ROR1: variants seen among roughly 807,000 people sequenced by gnomAD.
ROR1 encodes the protein inactive tyrosine-protein kinase transmembrane receptor ROR1.
A neutral mutation model predicts 78.8 loss-of-function variants in ROR1; 19 were observed. The observed-to-expected ratio is 0.24, with a 90% confidence interval of 0.17 to 0.35. The LOEUF (loss-of-function observed/expected upper bound fraction) is 0.35. Ranked by LOEUF, ROR1 falls within the 10% of genes least tolerant of loss-of-function variation. ROR1 has a pLI of 1.00. For synonymous variants in ROR1, 386 were observed against 433.6 expected, an observed-to-expected ratio of 0.89 and a Z score of 1.36; for missense variants, 917 against 1,177.8, an observed-to-expected ratio of 0.78 and a Z score of 3.24.
At chr1:63,786,955 G>A (rs1644692065) in intron 1 of ROR1, among the ~76,000 whole-genome samples, 1 of 152,174 alleles carries the variant, frequency 6.6e-6, no homozygotes, top group African/African-American at 2.4e-5. Flanking sequence ...ATCCTCTCCA[G>A]TAAGAAGTTT....
intron 1 of ROR1, among the ~76,000 whole-genome samples, chr1:63,919,127 G>GGGTA (rs552702704): frequency 3.3e-5 from 5 of 152,114 alleles, no homozygotes; most frequent in Non-Finnish European, 7.4e-5. Flanking sequence ...CAGGGTCAAA[G>GGGTA]GGTAGGACTG....
chr1:64,035,463 C>T (rs1646694550), intron 2 of ROR1, among the ~76,000 whole-genome samples: 1 of 152,182 alleles, frequency 6.6e-6, no homozygotes, highest in African/African-American at 2.4e-5. Flanking sequence ...CACGACCCAT[C>T]ATGAGGGGCC....
chr1:63,811,581 C>T (rs183086851), intron 1 of ROR1, among the ~76,000 whole-genome samples: 4 of 152,092 alleles, frequency 2.6e-5, no homozygotes, highest in East Asian at 1.9e-4. Context: ...TTTTTCCCCT[C>T]CTTCCTACAC....
chr1:64,141,669 T>A (rs72686913), intron 6 of ROR1, among the ~76,000 whole-genome samples: 1,662 of 152,326 alleles, frequency 0.011, 6 homozygotes, highest in Non-Finnish European at 0.018. Flanking sequence ...TCATCTAGAA[T>A]TAATCTCACC....
chr1:64,013,441 A>G (rs1212295608), intron 2 of ROR1, among the ~76,000 whole-genome samples: 1 of 152,130 alleles, frequency 6.6e-6, no homozygotes, highest in Non-Finnish European at 1.5e-5. Context: ...ATTTATTTCA[A>G]TAATCTGCCT....
chr1:64,169,071 C>G (rs1299977265), intron 8 of ROR1, among the ~76,000 whole-genome samples: 1 of 152,186 alleles, frequency 6.6e-6, no homozygotes, highest in Admixed American at 6.5e-5. Flanking sequence ...CTGGTCAGTA[C>G]TTGAGATTCA....
At chr1:63,880,780 A>G (rs1645317031) in intron 1 of ROR1, among the ~76,000 whole-genome samples, 1 of 152,138 alleles carries the variant, frequency 6.6e-6, no homozygotes, top group Non-Finnish European at 1.5e-5. Flanking sequence ...CTATCCATCT[A>G]TCCTTCCATC....
At chr1:64,079,667 A>G (rs1647084019) in intron 4 of ROR1, among the ~76,000 whole-genome samples, 1 of 152,006 alleles carries the variant, frequency 6.6e-6, no homozygotes, top group African/African-American at 2.4e-5. Context: ...TTTTTAGTAG[A>G]AACGGGGTTT....
At chr1:64,057,678 A>C (rs968854071) in intron 4 of ROR1, among the ~76,000 whole-genome samples, 5 of 152,156 alleles carry the variant, frequency 3.3e-5, no homozygotes, top group Non-Finnish European at 5.9e-5. Flanking sequence ...GATGTTAATA[A>C]AATTTATAAA....
intron 1 of ROR1, among the ~76,000 whole-genome samples, chr1:63,930,848 T>C (rs1184667445): frequency 6.6e-6 from 1 of 152,236 alleles, no homozygotes; most frequent in African/African-American, 2.4e-5. Flanking sequence ...GTACTTGAAA[T>C]GTTAATAACT....
chr1:63,889,311 A>G (rs1025335777), intron 1 of ROR1, among the ~76,000 whole-genome samples: 2 of 152,198 alleles, frequency 1.3e-5, no homozygotes, highest in Admixed American at 1.3e-4. Flanking sequence ...TGTGAAAGCC[A>G]GGAGGTGGAA....
Position 64,142,577 on chromosome 1 carries a change from T to C in ROR1, c.1101T>C (p.Asn367=). ...ATTCCTACTGCCGCAACCCAGGGAA[T>C]CAAAAGGAAGCTCCCTGGTGCTTCA... is the stretch of plus-strand genomic sequence containing the variant. ...GGHSYCRNPG[N]QKEAPWCFTL... is the part of the protein sequence containing the mutation. Residue 367 remains asparagine (N), a synonymous_variant, in exon 7 of 9, where the codon AAT becomes AAC. Transcript: ENST00000371079. The C allele has an allele frequency of 6.2e-7, 1 of 1,614,084 alleles. No homozygotes were observed. Among genetic ancestry groups the C allele is most frequent in the South Asian group, 1.1e-5 (1 of 91,074 alleles).
At chr1:64,034,045 A>T (rs1388754879) in intron 2 of ROR1, among the ~76,000 whole-genome samples, 1 of 152,198 alleles carries the variant, frequency 6.6e-6, no homozygotes, top group African/African-American at 2.4e-5. Flanking sequence ...AGCAGTGTCC[A>T]AGTAGGGATG....
At chr1:63,940,382 A>T (rs974989012) in intron 1 of ROR1, among the ~76,000 whole-genome samples, 2 of 152,184 alleles carry the variant, frequency 1.3e-5, no homozygotes, top group Non-Finnish European at 2.9e-5. Flanking sequence ...TGAGTGATGG[A>T]ATAGATAAGG....
chr1:64,049,956 T>C lies in ROR1; in HGVS notation c.429T>C (p.Thr143=), dbSNP rs1394020099. The change falls in exon 3 of 9, where the codon ACT becomes ACC. Residue 143 remains threonine, a synonymous_variant. Transcript: ENST00000371079. Reference sequence around the variant, plus strand: ...ACGGCAAGGAGGTGGTTTCTTCCACTGGAGTCTTGTTTGTCAAGTTTGGTA... The same window carrying C: ...ACGGCAAGGAGGTGGTTTCTTCCACCGGAGTCTTGTTTGTCAAGTTTGGTA... ...ATNGKEVVSS[T]GVLFVKFGPP... 4 of 1,614,046 alleles carry C rather than the reference T, an allele frequency of 2.5e-6. No homozygotes were observed. Among genetic ancestry groups the C allele is most frequent in the Non-Finnish European group, 2.5e-6 (3 of 1,180,032 alleles).
chr1:63,783,519 C>G (rs975576594), intron 1 of ROR1, among the ~76,000 whole-genome samples: 4 of 152,078 alleles, frequency 2.6e-5, no homozygotes, highest in Non-Finnish European at 5.9e-5. Context: ...CAGGACGACC[C>G]TATGAGGTAA....
intron 1 of ROR1, among the ~76,000 whole-genome samples, chr1:63,994,404 G>A (rs1469428155): frequency 9.9e-5 from 15 of 152,106 alleles, no homozygotes; most frequent in Admixed American, 5.9e-4. Context: ...TAACTCTCAC[G>A]TGCTTAGCCT....
chr1:63,946,242 G>T (rs1450417678), intron 1 of ROR1, among the ~76,000 whole-genome samples: 1 of 152,118 alleles, frequency 6.6e-6, no homozygotes, highest in Non-Finnish European at 1.5e-5. Context: ...ATAGCTATTG[G>T]TTCCTCCTCT....
At chr1:64,000,632 A>T (rs1443337576) in intron 1 of ROR1, among the ~76,000 whole-genome samples, 1 of 152,234 alleles carries the variant, frequency 6.6e-6, no homozygotes, top group Admixed American at 6.5e-5. Flanking sequence ...AAAAAGAACT[A>T]GAAGGCCCTG....
Sources: gnomAD v4.1 joint callset for allele counts (sites outside exome capture counted in the v4.1 genomes callset) on GRCh38, gnomAD v4.1.1 for gene constraint, MANE v1.5 for transcripts, NCBI Gene and HGNC (gene_info 2026-07-23, HGNC 2026-07-21) for gene names.